RARG: variants seen among roughly 807,000 people sequenced by gnomAD.
The protein encoded by RARG is RAR-gamma.
In RARG, 17 loss-of-function variants were observed where a neutral mutation model predicts 43.7. The observed-to-expected ratio is 0.39, with a 90% CI of 0.27 to 0.58. RARG has a LOEUF of 0.58. RARG is among the 20% of genes least tolerant of loss of function. The pLI, the probability that RARG is intolerant of heterozygous loss-of-function variation, is 0.57. For missense variants in RARG, 346 were observed against 598.7 expected (o/e 0.58, Z 4.40); for synonymous variants, 238 against 236.4 (o/e 1.01, Z -0.06).
Position 53,227,483 on chromosome 12 carries a change from T to C in RARG, c.63A>G (p.Pro21=). Residue 21 remains proline (P), a synonymous_variant, in exon 3 of 10, where the codon CCA becomes CCG. Transcript: ENST00000425354. This position sits in a 1 kb window ranked among gnomAD's most constrained non-coding sequence, Gnocchi z 4.3. ...AGALGPGSGY[P]GAGFPFAFPG... ...GGAAGGCGAAGGGGAAACCTGCCCC[T>C]GGGTAGCCAGATCCAGGCCCCAGGG... 6.2e-7 allele frequency: 1 copy of C among 1,608,464 alleles called. No homozygotes were observed. Among genetic ancestry groups the C allele is most frequent in the South Asian group, 1.1e-5 (1 of 90,172 alleles).
chr12:53,218,528 C>CA (rs1770136071), intron 3 of RARG, among the ~76,000 whole-genome samples: 1 of 152,042 alleles, frequency 6.6e-6, no homozygotes, highest in Admixed American at 6.5e-5. Flanking sequence ...GGATTTGGTG[C>CA]AAAGCAATAG....
In RARG at chr12:53,215,575, C is replaced by G; in HGVS notation, c.333+71G>C. 2 of 1,584,394 alleles carry G rather than the reference C, an allele frequency of 1.3e-6. No individual in the cohort carries two copies. The highest frequency in any genetic ancestry group is 1.7e-6 in the Non-Finnish European group (2 of 1,161,044). On this transcript the variant is annotated intron_variant, in intron 4 of 9. Coordinates refer to ENST00000425354, the MANE Select transcript of RARG (RefSeq NM_000966.6). The surrounding 1 kb of genome is among the most constrained non-coding windows in gnomAD (Gnocchi z 6.4). ...AAGCAGTGCTGCTCAGACACAGCAT[C>G]TGTGTGCCTGGTCTCTCATCTTACT... is the stretch of plus-strand genomic sequence containing the variant.
intron 1 of RARG, 73 bp downstream of exon 1, chr12:53,231,900 GC>G (rs371612152): frequency 1.8e-5 from 7 of 393,418 alleles, no homozygotes; most frequent in African/African-American, 6.2e-5. Flanking sequence ...GCTCCTCCGC[GC>G]CCCCTCCCCC....
intron 3 of RARG, among the ~76,000 whole-genome samples, chr12:53,219,075 C>T (rs1449135872): frequency 3.3e-5 from 5 of 152,186 alleles, no homozygotes; most frequent in Non-Finnish European, 7.4e-5. Flanking sequence ...CCTGGCATCT[C>T]CCATTTCACG....
intron 3 of RARG, among the ~76,000 whole-genome samples, chr12:53,216,841 T>TGTGTGTGTGTGTGCGC (rs1430491578): frequency 3.9e-5 from 5 of 129,382 alleles, no homozygotes; most frequent in African/African-American, 1.7e-4. Flanking sequence ...TGTGTGTGTG[T>TGTGTGTGTGTGTGCGC]GCGCGCGCGC....
At chr12:53,225,887 C>G (rs561808582) in intron 3 of RARG, among the ~76,000 whole-genome samples, 2 of 152,384 alleles carry the variant, frequency 1.3e-5, no homozygotes, top group African/African-American at 4.8e-5. Flanking sequence ...CATGCAGGCT[C>G]TATGCCAGAC....
intron 2 of RARG, among the ~76,000 whole-genome samples, chr12:53,228,004 A>C (rs926866585): frequency 6.6e-6 from 1 of 152,226 alleles, no homozygotes; most frequent in Non-Finnish European, 1.5e-5. Context: ...ATTTGACCTA[A>C]ACCTCACATC....
At chr12:53,224,768 G>A (rs554442727) in intron 3 of RARG, among the ~76,000 whole-genome samples, 2 of 143,926 alleles carry the variant, frequency 1.4e-5, no homozygotes, top group African/African-American at 2.6e-5. Flanking sequence ...CAGGCTAGCC[G>A]CACCCTCCCC....
At position 53,213,756 on chromosome 12, in the gene RARG, G is replaced by A. The variant is rs1251563768; in HGVS notation, c.814-56C>T. On this transcript the variant is annotated intron_variant, in intron 7 of 9. Coordinates refer to ENST00000425354, the MANE Select transcript of RARG (RefSeq NM_000966.6). The surrounding 1 kb of genome is among the most constrained non-coding windows in gnomAD (Gnocchi z 4.7). ...CTGTTTCTGGGGGATGGGGAAAAGA[G>A]GGAATGAGTGGAAAGTGAGGAGGTT... 1.3e-5 allele frequency: 19 copies of A among 1,502,092 alleles called. No homozygotes were observed. The South Asian group carries it at 2.1e-4, about 17-fold the overall frequency. The allele number at this position is 1,502,092 out of a possible 1,614,324, so 93.0% of individuals were successfully genotyped here.
chr12:53,231,619 G>C (rs1182853397), intron 1 of RARG: 2 of 154,046 alleles, frequency 1.3e-5, no homozygotes, highest in Admixed American at 6.5e-5. Flanking sequence ...GGGTAAGGGG[G>C]TGGTAGTCTT....
In RARG at chr12:53,211,876, G is replaced by A; in HGVS notation, c.1178-13C>T. On this transcript the variant is annotated splice_polypyrimidine_tract_variant and intron_variant, in intron 9 of 9. Transcript: ENST00000425354. The surrounding 1 kb of genome is among the most constrained non-coding windows in gnomAD (Gnocchi z 4.6). ...GCCCTTTCAGCTCCTACAATGGAGA[G>A]AGAAAGAGAGAGGCTCAGGAGGACA... The A allele has an allele frequency of 1.4e-6, 2 of 1,412,302 alleles. No individual in the cohort carries two copies. The highest frequency in any genetic ancestry group is 1.9e-4 in the Middle Eastern group (1 of 5,242). 87.5% of individuals were successfully genotyped at this position (1,412,302 alleles called of 1,614,324 possible).
intron 3 of RARG, among the ~76,000 whole-genome samples, chr12:53,221,028 T>TAGGGCCGGAGCGCGCTCCC (rs965633300): frequency 6.6e-6 from 1 of 151,272 alleles, no homozygotes; most frequent in Non-Finnish European, 1.5e-5. Context: ...CCCGCGGTCC[T>TAGGGCCGGAGCGCGCTCCC]AGGGCCGGAG....
intron 3 of RARG, among the ~76,000 whole-genome samples, chr12:53,221,209 A>G (rs1465058): frequency 0.25 from 36,237 of 143,352 alleles, 6,485 homozygotes; most frequent in African/African-American, 0.51. Context: ...TAGCCCGAGC[A>G]GTCCGCCCTC....
chr12:53,215,527 A>T lies in RARG; in HGVS notation c.334-93T>A. 6.3e-7 allele frequency: 1 copy of T among 1,592,058 alleles called. No homozygotes were observed. Among genetic ancestry groups the T allele is most frequent in the Non-Finnish European group, 8.6e-7 (1 of 1,164,352 alleles). On this transcript the variant is annotated intron_variant, in intron 4 of 9. Transcript: ENST00000425354. The surrounding 1 kb of genome is among the most constrained non-coding windows in gnomAD (Gnocchi z 6.4). ...TTGCAGGTTGCCCCAAGCCTGACCT[A>T]ATCTATTAACCACCTATGTGCAAAG... is the stretch of plus-strand genomic sequence containing the variant.
intron 3 of RARG, chr12:53,220,473 ACATACGT>A (rs1942925986): frequency 3.4e-6 from 2 of 581,060 alleles, no homozygotes; most frequent in Non-Finnish European, 5.3e-6. Flanking sequence ...GCACACATAC[ACATACGT>A]ACACTCGCTC....
At position 53,211,621 on chromosome 12, in the gene RARG, G is replaced by A; in HGVS notation, c.*55C>T. ...CCAGTCACTGGCGGTCTGGGAGATGGTCAGTCTGCTGCCTGAAGCCCCAAC... is the reference window on the plus strand; with the variant it reads ...CCAGTCACTGGCGGTCTGGGAGATGATCAGTCTGCTGCCTGAAGCCCCAAC... On this transcript the variant is annotated 3_prime_UTR_variant, in exon 10 of 10. Transcript: ENST00000425354. The surrounding 1 kb of genome is among the most constrained non-coding windows in gnomAD (Gnocchi z 4.6). The A allele has an allele frequency of 7.4e-6, 10 of 1,345,336 alleles. No individual in the cohort carries two copies. The Admixed American group carries it at 1.4e-4, about 19-fold the overall frequency. The allele number at this position is 1,345,336 out of a possible 1,614,324, so 83.3% of individuals were successfully genotyped here.
Position 53,215,751 on chromosome 12 carries a change from G to A in RARG, c.228C>T (p.Ser76=), listed in dbSNP as rs1410633893. Reference sequence around the variant, plus strand: ...GAGGAGGCGGAGGGGGCGAGGGCGAGCTGGGCACCATCTCCTCTGAGCTGG... The same window carrying A: ...GAGGAGGCGGAGGGGGCGAGGGCGAACTGGGCACCATCTCCTCTGAGCTGG... ...QSTSSEEMVP[S]SPSPPPPPRV... The change falls in exon 4 of 10, where the codon AGC becomes AGT. Residue 76 remains serine, a synonymous_variant. Coordinates refer to ENST00000425354, the MANE Select transcript of RARG (RefSeq NM_000966.6). This position sits in a 1 kb window ranked among gnomAD's most constrained non-coding sequence, Gnocchi z 6.4. 2 of 1,613,002 alleles carry A rather than the reference G, an allele frequency of 1.2e-6. No individual in the cohort carries two copies. The highest frequency in any genetic ancestry group is 2.7e-5 in the African/African-American group (2 of 74,890).
intron 2 of RARG, among the ~76,000 whole-genome samples, chr12:53,229,375 T>C (rs1185766773): frequency 6.6e-6 from 1 of 152,120 alleles, no homozygotes; most frequent in Non-Finnish European, 1.5e-5. Context: ...CTTTCTCTCC[T>C]CTACCTTGGC....
Position 53,215,256 on chromosome 12 carries a change from C to T in RARG, c.475+37G>A, listed in dbSNP as rs376720398. The stretch of plus-strand genomic sequence containing the variant: ...GAGGGCCACAGCCATAGGGTAGGAC[C>T]GAAGTGCTCCTGCCCAAGCCAAGGA... On this transcript the variant is annotated intron_variant, in intron 5 of 9. Transcript: ENST00000425354. This position sits in a 1 kb window ranked among gnomAD's most constrained non-coding sequence, Gnocchi z 6.4. 16 of 1,607,460 alleles carry T rather than the reference C, an allele frequency of 1.0e-5. 1 individual carries two copies. The highest frequency in any genetic ancestry group is 1.3e-5 in the African/African-American group (1 of 74,986).
Sources: allele counts gnomAD v4.1 joint callset (sites outside exome capture counted in the v4.1 genomes callset), GRCh38; gene constraint gnomAD v4.1.1; non-coding constraint Gnocchi (gnomAD v3.1); transcripts MANE v1.5; gene names NCBI Gene and HGNC (gene_info 2026-07-23, HGNC 2026-07-21).